GBE1: variants seen among roughly 807,000 people sequenced by gnomAD.
GBE1 encodes 1,4-alpha-glucan-branching enzyme.
A neutral mutation model predicts 88.8 loss-of-function variants in GBE1; 70 were observed. That is an observed-to-expected ratio of 0.79 (90% CI 0.65 to 0.96). The LOEUF (loss-of-function observed/expected upper bound fraction) is 0.96, where lower values mean the gene tolerates loss of function less well. GBE1 is among the 40% of genes least tolerant of loss of function. The probability of loss-of-function intolerance (pLI) is 0.00; values close to 1 mark genes in which losing one functional copy is unlikely to be tolerated. For missense variants in GBE1, 872 were observed against 871.0 expected (o/e 1.00, Z -0.01); for synonymous variants, 284 against 300.1 (o/e 0.95, Z 0.56).
intron 2 of GBE1, among the ~76,000 whole-genome samples, chr3:81,679,698 A>G (rs1705310655): frequency 6.6e-6 from 1 of 152,132 alleles, no homozygotes; most frequent in Non-Finnish European, 1.5e-5. Flanking sequence ...ATTCTCTCCA[A>G]TGCTATTGTT....
chr3:81,578,355 T>C (rs1703677222), intron 11 of GBE1, among the ~76,000 whole-genome samples: 1 of 152,042 alleles, frequency 6.6e-6, no homozygotes, highest in African/African-American at 2.4e-5. Context: ...AGATTCATGA[T>C]AAGGTACCTG....
intron 1 of GBE1, among the ~76,000 whole-genome samples, chr3:81,737,177 C>T (rs373496976): frequency 4.4e-4 from 66 of 149,362 alleles, no homozygotes; most frequent in African/African-American, 1.5e-3. Context: ...GTAATCTCCA[C>T]GTGTAAATCA....
chr3:81,632,021 A>T (rs918570298), intron 7 of GBE1, among the ~76,000 whole-genome samples: 9 of 151,576 alleles, frequency 5.9e-5, no homozygotes, highest in African/African-American at 2.2e-4. Context: ...ATATGTTCTC[A>T]TTGTTTGACT....
chr3:81,630,299 C>G (rs968679771), intron 7 of GBE1, among the ~76,000 whole-genome samples: 1 of 152,120 alleles, frequency 6.6e-6, no homozygotes, highest in Non-Finnish European at 1.5e-5. Flanking sequence ...ACATTCCATG[C>G]TCATGGGTAG....
At chr3:81,622,278 T>G (rs1704343420) in intron 7 of GBE1, among the ~76,000 whole-genome samples, 1 of 152,212 alleles carries the variant, frequency 6.6e-6, no homozygotes, top group Admixed American at 6.5e-5. Flanking sequence ...TTCTCAATCC[T>G]CATCTAAATT....
chr3:81,529,018 T>G (rs1310146295), intron 14 of GBE1, among the ~76,000 whole-genome samples: 8 of 152,102 alleles, frequency 5.3e-5, no homozygotes, highest in Admixed American at 2.6e-4. Flanking sequence ...GTTTTTTGTT[T>G]TCTGGTTGTC....
chr3:81,547,624 G>GTT (rs1214718584), intron 12 of GBE1, among the ~76,000 whole-genome samples: 4 of 109,580 alleles, frequency 3.7e-5, no homozygotes, highest in African/African-American at 1.2e-4. Context: ...AGGTTCGTTT[G>GTT]TTCTCTCTCT....
Position 81,497,858 on chromosome 3 carries a change from G to A in GBE1, c.2052+1252C>T, listed in dbSNP as rs185409594. Among the ~76,000 whole-genome samples, 7 of 152,186 alleles carry A rather than the reference G, an allele frequency of 4.6e-5. No individual in the cohort carries two copies. The East Asian group carries it at 5.8e-4, about 13-fold the overall frequency. Reference sequence around the variant, plus strand: ...ATTTCAGAACTTTATGGTAATATTCGTATTCACTTCCAAAACTATTTTTAT... The same window carrying A: ...ATTTCAGAACTTTATGGTAATATTCATATTCACTTCCAAAACTATTTTTAT... On this transcript the variant is annotated intron_variant, in intron 15 of 15. Transcript: ENST00000429644.
intron 12 of GBE1, among the ~76,000 whole-genome samples, chr3:81,557,848 A>G (rs568018530): frequency 6.6e-6 from 1 of 152,158 alleles, no homozygotes; most frequent in Admixed American, 6.6e-5. Context: ...TGTGAAGCAG[A>G]CAGGAGAATC....
intron 2 of GBE1, among the ~76,000 whole-genome samples, chr3:81,672,506 A>G (rs1211860325): frequency 1.3e-5 from 2 of 152,010 alleles, no homozygotes; most frequent in African/African-American, 2.4e-5. Flanking sequence ...AAGAGTACAG[A>G]AGAATAGCAT....
chr3:81,717,400 G>A (rs2107184993), intron 1 of GBE1, among the ~76,000 whole-genome samples: 1 of 152,270 alleles, frequency 6.6e-6, no homozygotes, highest in African/African-American at 2.4e-5. Context: ...CAACTAACTT[G>A]CTGAGAAGCA....
chr3:81,495,316 G>T (rs895250008), intron 15 of GBE1, among the ~76,000 whole-genome samples: 9 of 152,142 alleles, frequency 5.9e-5, no homozygotes, highest in Non-Finnish European at 1.3e-4. Flanking sequence ...TTGAACCTGG[G>T]AGGCAGAGGT....
At chr3:81,525,308 G>A (rs1485664954) in intron 14 of GBE1, among the ~76,000 whole-genome samples, 1 of 151,856 alleles carries the variant, frequency 6.6e-6, no homozygotes, top group Non-Finnish European at 1.5e-5. Flanking sequence ...TTTGTCATTG[G>A]TTCTGTTTAT....
intron 1 of GBE1, among the ~76,000 whole-genome samples, chr3:81,722,894 G>GTATATATATATATATATATA (rs757742488): frequency 2.7e-4 from 37 of 134,992 alleles, no homozygotes; most frequent in East Asian, 5.0e-4. Flanking sequence ...GTGTGTGTGT[G>GTATATATATATATATATATA]TGTATATATA....
At chr3:81,598,563 TTA>T (rs1703989224) in intron 7 of GBE1, among the ~76,000 whole-genome samples, 1 of 151,910 alleles carries the variant, frequency 6.6e-6, no homozygotes, top group Non-Finnish European at 1.5e-5. Context: ...ATTAAAAATA[TTA>T]TGTTTTGCTC....
At chr3:81,668,735 T>C (rs533155599) in intron 3 of GBE1, among the ~76,000 whole-genome samples, 1 of 152,282 alleles carries the variant, frequency 6.6e-6, no homozygotes, top group Non-Finnish European at 1.5e-5. Context: ...TAGTTATGTT[T>C]ATTACAGTGA....
chr3:81,499,330 A>G, intron 14 of GBE1, 103 bp from the exon 15 acceptor site: 1 of 739,792 alleles, frequency 1.4e-6, no homozygotes, highest in Non-Finnish European at 2.4e-6. Context: ...GCAGTGTTAA[A>G]TCATAATTTG....
At chr3:81,656,985 G>A (rs534327055) in intron 3 of GBE1, among the ~76,000 whole-genome samples, 54 of 151,870 alleles carry the variant, frequency 3.6e-4, no homozygotes, top group African/African-American at 1.1e-3. Context: ...GAGAAACGCC[G>A]TCTCTACTAA....
intron 14 of GBE1, among the ~76,000 whole-genome samples, chr3:81,530,773 G>A (rs1465659540): frequency 4.6e-5 from 7 of 151,922 alleles, no homozygotes; most frequent in African/African-American, 1.7e-4. Flanking sequence ...CACACTTGAA[G>A]CCAGCACACT....
Sources: gnomAD v4.1 joint callset for allele counts (sites outside exome capture counted in the v4.1 genomes callset) on GRCh38, gnomAD v4.1.1 for gene constraint, MANE v1.5 for transcripts, NCBI Gene and HGNC (gene_info 2026-07-23, HGNC 2026-07-21) for gene names.